TOGARAM2: variants seen among roughly 807,000 people sequenced by gnomAD.
The protein encoded by TOGARAM2 is TOG array regulator of axonemal microtubules protein 2.
In TOGARAM2, 85 loss-of-function variants were observed where a neutral mutation model predicts 93.3. The observed-to-expected ratio is 0.91, with a 90% confidence interval of 0.76 to 1.09. The LOEUF is 1.09. Among genes scored for constraint, TOGARAM2 ranks in the 50% least tolerant of loss-of-function variants. The pLI is 0.00. For missense variants in TOGARAM2, 1,277 were observed against 1,334.5 expected (o/e 0.96, Z 0.67); for synonymous variants, 593 against 552.8 (o/e 1.07, Z -1.02).
At chr2:29,032,823 GA>G (rs1174803018) in intron 14 of TOGARAM2, 110 bp from the exon 15 acceptor site, 5 of 846,574 alleles carry the variant, frequency 5.9e-6, no homozygotes, top group Non-Finnish European at 7.3e-6. Context: ...TTTGTAATTA[GA>G]AAAAGTATTA....
chr2:29,017,906 C>G lies in TOGARAM2; in HGVS notation c.1310C>G (p.Pro437Arg), dbSNP rs766946765. Residue 437 changes from proline to arginine, a missense_variant, in exon 10 of 20, where the codon CCC becomes CGC. Coordinates refer to ENST00000379558, the MANE Select transcript of TOGARAM2 (RefSeq NM_199280.4). ...AAGTGGGCCAGCCGGGCCTCCCTGC[C>G]CAGCATCCCCATCAGCCGGCAGGAG... ...LRKWASRASL[P>R]SIPISRQEPR... is the part of the protein sequence containing the mutation. 1.2e-6 allele frequency: 2 copies of G among 1,612,058 alleles called. No homozygotes were observed. Among genetic ancestry groups the G allele is most frequent in the South Asian group, 1.1e-5 (1 of 90,824 alleles).
At chr2:29,035,381 G>A (rs748932693) in intron 16 of TOGARAM2, 83 bp from the exon 17 acceptor site, 48 of 1,203,840 alleles carry the variant, frequency 4.0e-5, no homozygotes, top group African/African-American at 4.7e-5. Context: ...CCACCTGCCT[G>A]TAGGAGGTGG....
At chr2:28,983,189 T>TAC (rs1672292749) in intron 1 of TOGARAM2, among the ~76,000 whole-genome samples, 1 of 50,074 alleles carries the variant, frequency 2.0e-5, no homozygotes, top group Non-Finnish European at 4.6e-5. Flanking sequence ...TATATATATA[T>TAC]ATATATATAT....
intron 13 of TOGARAM2, 72 bp from the exon 14 acceptor site, chr2:29,026,781 C>A: frequency 7.1e-7 from 1 of 1,410,312 alleles, no homozygotes; most frequent in South Asian, 1.6e-5. Context: ...AATGGTAGAT[C>A]CATGTTTGCC....
intron 1 of TOGARAM2, among the ~76,000 whole-genome samples, chr2:28,959,489 C>T (rs1398750555): frequency 2.0e-5 from 3 of 152,188 alleles, no homozygotes; most frequent in Admixed American, 6.5e-5. Context: ...TGCGGTGGCT[C>T]ATGCCTGTAA....
rs150691943 is a variant in TOGARAM2 at position 28,998,340 on chromosome 2, G to A, written c.139+87G>A. The A allele has an allele frequency of 2.5e-4, 217 of 851,966 alleles. 1 individual carries two copies. In the African/African-American group the frequency reaches 2.8e-3, roughly 11 times the overall value. The allele number at this position is 851,966 out of a possible 1,614,324, so 52.8% of individuals were successfully genotyped here. ...TGTGGTAGATGCCGGCTGTGTTCTC[G>A]AGCTACCAGCAGGTGTTATTTTTCC... On this transcript the variant is annotated intron_variant, in intron 3 of 19. Transcript: ENST00000379558.
chr2:29,023,614 C>G (rs1326770357), intron 12 of TOGARAM2, among the ~76,000 whole-genome samples: 1 of 152,130 alleles, frequency 6.6e-6, no homozygotes, highest in East Asian at 1.9e-4. Flanking sequence ...GAGGCTGTGC[C>G]CTGCCCTTGG....
chr2:29,002,136 T>C (rs1314080097), intron 4 of TOGARAM2, among the ~76,000 whole-genome samples: 1 of 152,196 alleles, frequency 6.6e-6, no homozygotes, highest in Non-Finnish European at 1.5e-5. Context: ...GGTACTTGCC[T>C]GGCATCTTAT....
chr2:29,027,503 A>T, intron 14 of TOGARAM2, among the ~76,000 whole-genome samples: 1 of 151,968 alleles, frequency 6.6e-6, no homozygotes, highest in East Asian at 1.9e-4. Context: ...GGTTGTTCAT[A>T]CCTGTAATCC....
chr2:28,985,571 A>G (rs879502481), intron 1 of TOGARAM2, among the ~76,000 whole-genome samples: 66 of 152,160 alleles, frequency 4.3e-4, no homozygotes, highest in Non-Finnish European at 8.4e-4. Context: ...TTAATCTCTA[A>G]TTTATATTTG....
At position 29,045,305 on chromosome 2, in the gene TOGARAM2, C is replaced by G; in HGVS notation, c.2636-19C>G. ...CAGCCCCCAGCAGTGTGGCCACTGACATCCCCCTTCTCTTTCAGACAACCT... is the reference window on the plus strand; with the variant it reads ...CAGCCCCCAGCAGTGTGGCCACTGAGATCCCCCTTCTCTTTCAGACAACCT... On this transcript the variant is annotated intron_variant, in intron 18 of 19. Transcript: ENST00000379558. 4.4e-6 allele frequency: 7 copies of G among 1,607,864 alleles called. No homozygotes were observed. The highest frequency in any genetic ancestry group is 5.9e-6 in the Non-Finnish European group (7 of 1,177,064).
At chr2:28,992,250 C>T (rs1672769789) in intron 1 of TOGARAM2, among the ~76,000 whole-genome samples, 1 of 152,126 alleles carries the variant, frequency 6.6e-6, no homozygotes, top group Non-Finnish European at 1.5e-5. Context: ...GGTGGTGCCT[C>T]TCACTGCGCT....
rs1251247808 is a variant in TOGARAM2, at chr2:29,014,267, A to G, written c.878-128A>G. ...CTGCCCTGTACAGTAAACCTAACTC[A>G]GGTCTTGCTCCATTGAGGAAGAATT... On this transcript the variant is annotated intron_variant, in intron 7 of 19. Transcript: ENST00000379558. 2.7e-6 allele frequency: 3 copies of G among 1,130,124 alleles called. No individual in the cohort carries two copies. In the Admixed American group the frequency reaches 7.1e-5, roughly 27 times the overall value. 70.0% of individuals were successfully genotyped at this position (1,130,124 alleles called of 1,614,324 possible).
upstream of TOGARAM2, among the ~76,000 whole-genome samples, chr2:28,979,211 C>T (rs1449951291): frequency 1.3e-5 from 2 of 152,208 alleles, no homozygotes; most frequent in Admixed American, 1.3e-4. Context: ...CCATGCTCCT[C>T]GACTGGCCTG....
chr2:29,017,173 A>G lies in TOGARAM2; in HGVS notation c.1064A>G (p.Lys355Arg). 1 of 1,613,784 alleles carries G rather than the reference A, an allele frequency of 6.2e-7. No homozygotes were observed. The highest frequency in any genetic ancestry group is 8.5e-7 in the Non-Finnish European group (1 of 1,179,786). Residue 355 changes from lysine (K) to arginine (R), a missense_variant, in exon 9 of 20, where the codon AAG becomes AGG. Transcript: ENST00000379558. Reference protein sequence around the residue: ...IGTKIQVTISKSAREKMQLKQ... With the variant: ...IGTKIQVTISRSAREKMQLKQ... ...TGCCAGATCCAAGTCACCATCTCCA[A>G]GTCTGCCCGGGAGAAGATGCAGCTG...
At chr2:29,022,963 A>C in intron 11 of TOGARAM2, 123 bp from the exon 12 acceptor site, 1 of 763,156 alleles carries the variant, frequency 1.3e-6, no homozygotes, top group Non-Finnish European at 2.2e-6. Context: ...AGGCCATGGA[A>C]TGGCACCCTG....
chr2:28,965,522 A>G (rs1671854844), intron 1 of TOGARAM2, among the ~76,000 whole-genome samples: 1 of 152,208 alleles, frequency 6.6e-6, no homozygotes, highest in South Asian at 2.1e-4. Context: ...CAAGTTATCA[A>G]CAGGGATCCG....
Position 29,027,070 on chromosome 2 carries a change from G to A in TOGARAM2, c.2012+59G>A, listed in dbSNP as rs916887171. On this transcript the variant is annotated intron_variant, in intron 14 of 19. Transcript: ENST00000379558. The stretch of plus-strand genomic sequence containing the variant: ...GGCAACCAACCAGCCAGCCCTGAGG[G>A]GCCTGGGGCACACAGCTTCAGCTTC... 20 of 1,454,746 alleles carry A rather than the reference G, an allele frequency of 1.4e-5. No homozygotes were observed. The African/African-American group carries it at 2.3e-4, about 17-fold the overall frequency. The allele number at this position is 1,454,746 out of a possible 1,614,324, so 90.1% of individuals were successfully genotyped here.
At chr2:28,999,890 G>A (rs916228922) in intron 4 of TOGARAM2, among the ~76,000 whole-genome samples, 16 of 152,170 alleles carry the variant, frequency 1.1e-4, no homozygotes, top group African/African-American at 3.9e-4. Flanking sequence ...GGTCTCTGCT[G>A]TCCAGGGCCT....
Sources: gnomAD v4.1 joint callset for allele counts (sites outside exome capture counted in the v4.1 genomes callset) on GRCh38, gnomAD v4.1.1 for gene constraint, MANE v1.5 for transcripts, NCBI Gene and HGNC (gene_info 2026-07-23, HGNC 2026-07-21) for gene names.